Variants in XPR1 observed in about 807,000 individuals in gnomAD.
XPR1 encodes the protein xenotropic and polytropic retrovirus receptor 1.
Under a neutral mutation model 87.5 loss-of-function variants are expected in XPR1, and 28 were observed. The observed-to-expected ratio is 0.32, with a 90% CI of 0.24 to 0.44. The LOEUF is 0.44. XPR1 is among the 20% of genes least tolerant of loss of function. The pLI, the probability that XPR1 is intolerant of heterozygous loss-of-function variation, is 1.00. For missense variants in XPR1, 559 were observed against 862.3 expected (o/e 0.65, Z 4.41); for synonymous variants, 300 against 306.1 (o/e 0.98, Z 0.21).
At chr1:180,674,271 G>GT in intron 1 of XPR1, among the ~76,000 whole-genome samples, 1 of 152,208 alleles carries the variant, frequency 6.6e-6, no homozygotes, top group Non-Finnish European at 1.5e-5. Context: ...TTTTGTGTTT[G>GT]TTTTTGAGAG....
chr1:180,704,395 C>A (rs1457588833), intron 2 of XPR1, among the ~76,000 whole-genome samples: 1 of 150,506 alleles, frequency 6.6e-6, no homozygotes, highest in African/African-American at 2.4e-5. Context: ...AGCCAGAATT[C>A]TTCTATAAAG....
At chr1:180,873,472 A>G (rs1652568924) in intron 12 of XPR1, among the ~76,000 whole-genome samples, 1 of 152,230 alleles carries the variant, frequency 6.6e-6, no homozygotes, top group Non-Finnish European at 1.5e-5. Flanking sequence ...TGTAATCTCA[A>G]TCAATCAAGG....
In XPR1 at chr1:180,753,679, TACTC is replaced by T. The variant is rs66515107; in HGVS notation, c.122-34072_122-34069del. ...GTAGTTTTATAATACTCATTTCAGT[TACTC>T]AATTATGTGACATATTAACTGTCAG... On this transcript the variant is annotated intron_variant, in intron 2 of 14. Coordinates refer to ENST00000367590, the MANE Select transcript of XPR1 (RefSeq NM_004736.4). Among the ~76,000 whole-genome samples, 592 of 152,312 alleles carry T rather than the reference TACTC, an allele frequency of 3.9e-3. 7 individuals are homozygous for T. The highest frequency in any genetic ancestry group is 0.014 in the African/African-American group (570 of 41,560).
intron 2 of XPR1, among the ~76,000 whole-genome samples, chr1:180,731,181 T>C (rs755630092): frequency 1.3e-5 from 2 of 152,204 alleles, no homozygotes; most frequent in South Asian, 2.1e-4. Context: ...GAACCACATA[T>C]GCAGTTTAAA....
At position 180,856,281 on chromosome 1, in the gene XPR1, C is replaced by T. The variant is rs187374542; in HGVS notation, c.1502-7427C>T. Among the ~76,000 whole-genome samples the T allele has an allele frequency of 2.0e-5, 3 of 151,928 alleles. No homozygotes were observed. In the East Asian group the frequency reaches 5.8e-4, roughly 29 times the overall value. On this transcript the variant is annotated intron_variant, in intron 11 of 14. Coordinates refer to ENST00000367590, the MANE Select transcript of XPR1 (RefSeq NM_004736.4). ...AAGCTCTGTAACATTTCAGAGAGTT[C>T]TCATCTCTTTGAGTCTTTGGTATTA...
At chr1:180,809,252 T>C (rs1650119506) in intron 6 of XPR1, among the ~76,000 whole-genome samples, 1 of 152,184 alleles carries the variant, frequency 6.6e-6, no homozygotes, top group Middle Eastern at 3.4e-3. Flanking sequence ...TGCTTGTGAA[T>C]AGAGTGGGGT....
At chr1:180,844,560 C>T (rs1190510274) in intron 11 of XPR1, among the ~76,000 whole-genome samples, 2 of 152,134 alleles carry the variant, frequency 1.3e-5, no homozygotes, top group Non-Finnish European at 2.9e-5. Flanking sequence ...GTGTACTCAT[C>T]GACTATTAAC....
rs1653023534 is a variant in XPR1 at position 180,886,745 on chromosome 1, A to AT, written c.*2686dup. The AT allele has an allele frequency of 6.6e-6, 1 of 152,166 alleles. No homozygotes were observed. The highest frequency in any genetic ancestry group is 2.4e-5 in the African/African-American group (1 of 41,432). The allele number at this position is 152,166 out of a possible 1,614,324, so 9.4% of individuals were successfully genotyped here. On this transcript the variant is annotated 3_prime_UTR_variant, in exon 15 of 15. Coordinates refer to ENST00000367590, the MANE Select transcript of XPR1 (RefSeq NM_004736.4). ...GCTTGGGAGACAAAGCATACATTTA[A>AT]TTTTTTTCTTTCAAAAAAGGCAATG... is the stretch of plus-strand genomic sequence containing the variant.
chr1:180,875,229 G>A (rs1652623015), intron 13 of XPR1, among the ~76,000 whole-genome samples: 1 of 152,186 alleles, frequency 6.6e-6, no homozygotes, highest in Non-Finnish European at 1.5e-5. Flanking sequence ...ATTTTGAGTA[G>A]CCAGGCATGA....
chr1:180,741,378 C>G (rs767665962), intron 2 of XPR1, among the ~76,000 whole-genome samples: 4 of 152,000 alleles, frequency 2.6e-5, no homozygotes, highest in Non-Finnish European at 5.9e-5. Flanking sequence ...GTTGGCCAGG[C>G]TGGTCTCGAA....
In XPR1 at chr1:180,695,408, TTG is replaced by T. The variant is rs1205037869; in HGVS notation, c.121+13029_121+13030del. On this transcript the variant is annotated intron_variant, in intron 2 of 14. Coordinates refer to ENST00000367590, the MANE Select transcript of XPR1 (RefSeq NM_004736.4). ...GCCTTTTAGTTTAATGTAGTCCCAT[TTG>T]TGTGTGTGTGTGTGTGTGTGTGTGT... Among the ~76,000 whole-genome samples, 1,015 of 148,534 alleles carry T rather than the reference TTG, an allele frequency of 6.8e-3. 11 individuals carry two copies. Among genetic ancestry groups the T allele is most frequent in the African/African-American group, 0.022 (876 of 40,614 alleles).
At chr1:180,863,969 C>G in intron 12 of XPR1, 95 bp downstream of exon 12, 35 of 937,364 alleles carry the variant, frequency 3.7e-5, no homozygotes, top group Non-Finnish European at 4.9e-5. Context: ...AATTATATTA[C>G]TCTAATATAA....
Position 180,650,801 on chromosome 1 carries a change from C to G in XPR1, c.69+18531C>G, listed in dbSNP as rs1655269601. Among the ~76,000 whole-genome samples, 3 of 152,036 alleles carry G rather than the reference C, an allele frequency of 2.0e-5. No individual in the cohort carries two copies. The South Asian group carries it at 6.2e-4, about 32-fold the overall frequency. On this transcript the variant is annotated intron_variant, in intron 1 of 14. Transcript: ENST00000367590. ...TGAGACCTTTAAACAGTGATTTTCT[C>G]TCTCTGAGTCTTAGTTTTCTTGTAT...
intron 7 of XPR1, among the ~76,000 whole-genome samples, chr1:180,819,309 A>T (rs997333055): frequency 6.6e-6 from 1 of 152,206 alleles, no homozygotes; most frequent in Non-Finnish European, 1.5e-5. Flanking sequence ...TAGTATTTTC[A>T]TTCAGAAGAA....
At chr1:180,757,915 G>GGGT (rs1194631866) in intron 2 of XPR1, among the ~76,000 whole-genome samples, 2 of 148,198 alleles carry the variant, frequency 1.3e-5, no homozygotes, top group African/African-American at 2.5e-5. Context: ...ATACCCCTAT[G>GGGT]GGTTATAGTG....
Position 180,889,302 on chromosome 1 carries a change from T to G in XPR1, c.*5236T>G, listed in dbSNP as rs943092037. 10 of 152,370 alleles carry G rather than the reference T, an allele frequency of 6.6e-5. No homozygotes were observed. The highest frequency in any genetic ancestry group is 2.4e-4 in the African/African-American group (10 of 41,590). 9.4% of individuals were successfully genotyped at this position (152,370 alleles called of 1,614,324 possible). On this transcript the variant is annotated 3_prime_UTR_variant, in exon 15 of 15. Coordinates refer to ENST00000367590, the MANE Select transcript of XPR1 (RefSeq NM_004736.4). ...TTTGCCTTGGATTCAGTATATCTACTAAGTACACAGTCTCGTATACCTTCA... is the reference window on the plus strand; with the variant it reads ...TTTGCCTTGGATTCAGTATATCTACGAAGTACACAGTCTCGTATACCTTCA...
At chr1:180,670,007 C>T (rs1656107943) in intron 1 of XPR1, among the ~76,000 whole-genome samples, 1 of 151,990 alleles carries the variant, frequency 6.6e-6, no homozygotes, top group African/African-American at 2.4e-5. Context: ...CTGTATTGAA[C>T]CTTTAAAAAA....
chr1:180,743,865 A>G (rs769829506), intron 2 of XPR1, among the ~76,000 whole-genome samples: 16 of 152,164 alleles, frequency 1.1e-4, no homozygotes, highest in Non-Finnish European at 2.1e-4. Context: ...TAAAATAAGC[A>G]ATGAGTTGTT....
intron 2 of XPR1, among the ~76,000 whole-genome samples, chr1:180,724,171 G>GTGC (rs1658262957): frequency 6.6e-6 from 1 of 152,152 alleles, no homozygotes; most frequent in African/African-American, 2.4e-5. Flanking sequence ...AGAGAATCAA[G>GTGC]TGCTGTCAGA....
Sources: gnomAD v4.1 joint callset for allele counts (sites outside exome capture counted in the v4.1 genomes callset) on GRCh38, gnomAD v4.1.1 for gene constraint, MANE v1.5 for transcripts, NCBI Gene and HGNC (gene_info 2026-07-23, HGNC 2026-07-21) for gene names.